Variants in TBC1D1 observed in about 807,000 individuals in gnomAD.
TBC1D1 encodes the protein TBC1 domain family member 1.
TBC1D1 carries 89 observed loss-of-function variants against 125.6 expected under a neutral mutation model. The ratio of observed to expected loss-of-function variants is 0.71; its 90% CI spans 0.60 to 0.85. TBC1D1 has a LOEUF of 0.85. Ranked by LOEUF, TBC1D1 falls within the 40% of genes least tolerant of loss-of-function variation. The pLI, the probability that TBC1D1 is intolerant of heterozygous loss-of-function variation, is 0.00. For missense variants in TBC1D1, 1,377 were observed against 1,469.2 expected (o/e 0.94, Z 1.03); for synonymous variants, 565 against 564.1 (o/e 1.00, Z -0.02).
intron 2 of TBC1D1, among the ~76,000 whole-genome samples, chr4:37,940,769 C>G (rs1325914913): frequency 1.3e-5 from 2 of 152,148 alleles, no homozygotes; most frequent in African/African-American, 4.8e-5. Flanking sequence ...TTTTCTGCAT[C>G]TATTGAGGTA....
At chr4:38,119,966 C>T in intron 17 of TBC1D1, 1 of 985,346 alleles carries the variant, frequency 1.0e-6, no homozygotes, top group Non-Finnish European at 1.2e-6. Context: ...GAAATTTTTC[C>T]TTCGGCTCAT....
intron 19 of TBC1D1, among the ~76,000 whole-genome samples, chr4:38,135,725 C>T (rs769350906): frequency 2.0e-5 from 3 of 152,034 alleles, no homozygotes; most frequent in Non-Finnish European, 4.4e-5. Context: ...GCTCTTGGTC[C>T]CTTTTTCATA....
At chr4:38,101,342 C>T (rs754307151) in intron 14 of TBC1D1, among the ~76,000 whole-genome samples, 1 of 152,176 alleles carries the variant, frequency 6.6e-6, no homozygotes, top group African/African-American at 2.4e-5. Context: ...AAAGACTTGG[C>T]ATCTTATTCT....
chr4:38,119,020 A>G (rs945574925), intron 17 of TBC1D1, among the ~76,000 whole-genome samples: 1 of 152,228 alleles, frequency 6.6e-6, no homozygotes, highest in Non-Finnish European at 1.5e-5. Flanking sequence ...GCAGAATAAA[A>G]GTGATATTTT....
chr4:37,936,385 T>C (rs1724394352), intron 2 of TBC1D1, among the ~76,000 whole-genome samples: 1 of 152,146 alleles, frequency 6.6e-6, no homozygotes, highest in African/African-American at 2.4e-5. Flanking sequence ...AGTGAAACCA[T>C]GGATAAGGGG....
In TBC1D1 at chr4:38,014,724, C is replaced by CG; in HGVS notation, c.633_634insG (p.Pro212AlafsTer36). The CG allele has an allele frequency of 1.2e-6, 2 of 1,607,548 alleles. No individual in the cohort carries two copies. The highest frequency in any genetic ancestry group is 1.7e-6 in the Non-Finnish European group (2 of 1,175,912). On this transcript the variant is annotated frameshift_variant, in exon 3 of 20. Transcript: ENST00000261439. LOFTEE classifies it high-confidence loss of function. This position sits in a 1 kb window ranked among gnomAD's most constrained non-coding sequence, Gnocchi z 5.1. ...TCAGCGGCAGCCGGGGGTCCGAGAG[C>CG]CCCCGCCCCAACCCGCCCCATGCCG...
chr4:38,119,951 G>A (rs1763575837), intron 17 of TBC1D1: 1 of 985,306 alleles, frequency 1.0e-6, no homozygotes, highest in Non-Finnish European at 1.2e-6. Context: ...TGGGGCTCTG[G>A]AAGAGAAATT....
chr4:38,100,931 A>T (rs1760205331), intron 14 of TBC1D1, among the ~76,000 whole-genome samples: 1 of 152,284 alleles, frequency 6.6e-6, no homozygotes, highest in South Asian at 2.1e-4. Context: ...CATTTCTGAC[A>T]TGGAGGACAC....
At chr4:38,007,003 T>C in intron 2 of TBC1D1, 1 of 413,808 alleles carries the variant, frequency 2.4e-6, no homozygotes, top group Non-Finnish European at 4.8e-6. Flanking sequence ...CTAAACAGTG[T>C]CACCATTTTC....
At chr4:38,071,176 C>G (rs1255395118) in intron 12 of TBC1D1, among the ~76,000 whole-genome samples, 1 of 152,148 alleles carries the variant, frequency 6.6e-6, no homozygotes, top group African/African-American at 2.4e-5. Flanking sequence ...TGTCCCTGCT[C>G]TTACTGTGGC....
intron 2 of TBC1D1, among the ~76,000 whole-genome samples, chr4:37,924,591 C>G (rs1721683240): frequency 1.3e-5 from 2 of 152,188 alleles, no homozygotes; most frequent in Admixed American, 1.3e-4. Flanking sequence ...ATGAATTTGC[C>G]TATTCTAGGC....
chr4:37,956,088 G>A (rs1264722015), intron 2 of TBC1D1, among the ~76,000 whole-genome samples: 3 of 150,366 alleles, frequency 2.0e-5, no homozygotes, highest in South Asian at 2.1e-4. Context: ...TACCGGTGTC[G>A]TGATCTAGGC....
At chr4:38,068,398 G>A (rs772301912) in intron 12 of TBC1D1, among the ~76,000 whole-genome samples, 2 of 152,036 alleles carry the variant, frequency 1.3e-5, no homozygotes, top group Non-Finnish European at 2.9e-5. Context: ...ACTCCTGCTC[G>A]TTTTCTCCCC....
chr4:37,906,094 C>G (rs963514326), intron 2 of TBC1D1, among the ~76,000 whole-genome samples: 2 of 152,180 alleles, frequency 1.3e-5, no homozygotes, highest in Non-Finnish European at 2.9e-5. Flanking sequence ...AAACAATTAT[C>G]TGGATGGTCT....
intron 10 of TBC1D1, among the ~76,000 whole-genome samples, chr4:38,048,148 G>A (rs1749833883): frequency 6.6e-6 from 1 of 152,164 alleles, no homozygotes. Context: ...ATCTTGAATT[G>A]AGAAACTACT....
chr4:37,917,001 C>A (rs1246213291), intron 2 of TBC1D1, among the ~76,000 whole-genome samples: 5 of 150,650 alleles, frequency 3.3e-5, no homozygotes, highest in Non-Finnish European at 7.4e-5. Flanking sequence ...GAACTTCTGA[C>A]CTCAAGTGAT....
Position 38,125,023 on chromosome 4 carries a change from C to T in TBC1D1, c.3024C>T (p.Ser1008=), listed in dbSNP as rs1314141328. 2 of 1,613,914 alleles carry T rather than the reference C, an allele frequency of 1.2e-6. No homozygotes were observed. The highest frequency in any genetic ancestry group is 1.7e-6 in the Non-Finnish European group (2 of 1,179,976). ...AAGTGGCTTTAAGTCTGTTGGGAAG[C>T]CATAAGCCCTTGATTCTGCAGCATG... The change falls in exon 18 of 20, where the codon AGC becomes AGT. Residue 1008 remains serine (S), a synonymous_variant. Coordinates refer to ENST00000261439, the MANE Select transcript of TBC1D1 (RefSeq NM_015173.4).
intron 2 of TBC1D1, among the ~76,000 whole-genome samples, chr4:37,921,109 CAAAAAAAAAAAAAA>C (rs1188232681): frequency 1.4e-5 from 1 of 71,988 alleles, no homozygotes; most frequent in African/African-American, 5.8e-5. Flanking sequence ...GACTCCGTCT[CAAAAAAAAAAAAAA>C]AAAAAAAAAA....
intron 2 of TBC1D1, among the ~76,000 whole-genome samples, chr4:37,920,460 A>G (rs1340377634): frequency 6.6e-6 from 1 of 152,138 alleles, no homozygotes; most frequent in Non-Finnish European, 1.5e-5. Flanking sequence ...AAGAGGAGGG[A>G]GAATGAATGA....
Sources: gnomAD v4.1 joint callset for allele counts (sites outside exome capture counted in the v4.1 genomes callset) on GRCh38, gnomAD v4.1.1 for gene constraint, Gnocchi (gnomAD v3.1) non-coding constraint, MANE v1.5 for transcripts, NCBI Gene and HGNC (gene_info 2026-07-23, HGNC 2026-07-21) for gene names.